Variants in FABP7 observed in about 807,000 individuals in gnomAD.
The protein encoded by FABP7 is fatty acid binding protein 7, also known as fatty acid-binding protein, brain.
Under a neutral mutation model 14.2 loss-of-function variants are expected in FABP7, and 13 were observed. That is an observed-to-expected ratio of 0.91 (90% CI 0.59 to 1.45). The LOEUF (loss-of-function observed/expected upper bound fraction) is 1.45. Among genes scored for constraint, FABP7 ranks in the 40% most tolerant of loss-of-function variants. The pLI, the probability that FABP7 is intolerant of heterozygous loss-of-function variation, is 0.00. For missense variants in FABP7, 149 were observed against 157.6 expected, an observed-to-expected ratio of 0.95 and a Z score of 0.29; for synonymous variants, 49 against 51.4, an observed-to-expected ratio of 0.95 and a Z score of 0.20.
the FABP7 span, among the ~76,000 whole-genome samples, chr6:122,764,218 A>T: frequency 6.6e-6 from 1 of 152,202 alleles, no homozygotes; most frequent in African/African-American, 2.4e-5. Context: ...ATAGAAAAGG[A>T]TGAGTTCATG....
upstream of FABP7, among the ~76,000 whole-genome samples, chr6:122,777,556 C>T (rs1780695883): frequency 6.6e-6 from 1 of 152,040 alleles, no homozygotes; most frequent in Non-Finnish European, 1.5e-5. Context: ...AATAAGACAC[C>T]AAACTATAAA....
upstream of FABP7, among the ~76,000 whole-genome samples, chr6:122,778,478 G>A (rs1459965226): frequency 6.6e-6 from 1 of 152,142 alleles, no homozygotes; most frequent in East Asian, 1.9e-4. Context: ...GTGTGGATTG[G>A]GTAGAAATGT....
At chr6:122,751,458 G>C in the FABP7 span, among the ~76,000 whole-genome samples, 2 of 152,140 alleles carry the variant, frequency 1.3e-5, no homozygotes, top group African/African-American at 4.8e-5. Context: ...ATGCATGCAG[G>C]CATCTATGCC....
the FABP7 span, among the ~76,000 whole-genome samples, chr6:122,755,426 T>A: frequency 3.5e-4 from 53 of 151,264 alleles, 1 homozygote; most frequent in East Asian, 9.5e-3. Context: ...AAGTGAGAAT[T>A]CAACATTTTC....
chr6:122,776,776 A>G (rs1035534922), upstream of FABP7, among the ~76,000 whole-genome samples: 3 of 152,220 alleles, frequency 2.0e-5, no homozygotes, highest in African/African-American at 7.2e-5. Context: ...TATCGTATGT[A>G]CCTGATAAAT....
At chr6:122,751,412 A>G in the FABP7 span, among the ~76,000 whole-genome samples, 3 of 152,172 alleles carry the variant, frequency 2.0e-5, no homozygotes, top group East Asian at 3.9e-4. Flanking sequence ...GAAGCCAGGT[A>G]CTGTGGGTGC....
At chr6:122,751,966 T>A in the FABP7 span, among the ~76,000 whole-genome samples, 1 of 152,100 alleles carries the variant, frequency 6.6e-6, no homozygotes, top group Non-Finnish European at 1.5e-5. Context: ...GGCTCTTATG[T>A]CAGCAGACAT....
chr6:122,781,347 A>C, intron 3 of FABP7, 153 bp downstream of exon 3: 1 of 1,478,202 alleles, frequency 6.8e-7, no homozygotes, highest in Non-Finnish European at 9.1e-7. Context: ...ACTATATGTA[A>C]AACAGGGGAA....
the FABP7 span, among the ~76,000 whole-genome samples, chr6:122,751,059 A>G: frequency 6.6e-6 from 1 of 152,232 alleles, no homozygotes; most frequent in Non-Finnish European, 1.5e-5. Context: ...CAATAAAATC[A>G]TATGTATTAT....
the FABP7 span, among the ~76,000 whole-genome samples, chr6:122,753,204 T>C: frequency 6.6e-6 from 1 of 152,172 alleles, no homozygotes; most frequent in Non-Finnish European, 1.5e-5. Flanking sequence ...ACTTGGGCTA[T>C]CTGTATTGCT....
intron 2 of FABP7, 75 bp from the exon 3 acceptor site, chr6:122,781,018 A>C: frequency 6.7e-7 from 1 of 1,496,842 alleles, no homozygotes; most frequent in Non-Finnish European, 8.9e-7. Context: ...ACTCTTTCAA[A>C]AATCACATCG....
At chr6:122,766,058 C>G in the FABP7 span, among the ~76,000 whole-genome samples, 1 of 151,892 alleles carries the variant, frequency 6.6e-6, no homozygotes. Flanking sequence ...TTTTCTTTCC[C>G]TCAACATGCT....
chr6:122,782,171 C>T (rs942916719), intron 3 of FABP7: 3 of 982,998 alleles, frequency 3.1e-6, no homozygotes, highest in South Asian at 9.4e-5. Context: ...TTCAATCAGC[C>T]TCTTCTTACT....
At chr6:122,750,721 G>C in the FABP7 span, among the ~76,000 whole-genome samples, 1 of 152,136 alleles carries the variant, frequency 6.6e-6, no homozygotes. Context: ...CAAGAAACTT[G>C]GTCTAAACCG....
the FABP7 span, among the ~76,000 whole-genome samples, chr6:122,767,049 A>T: frequency 6.6e-6 from 1 of 152,210 alleles, no homozygotes; most frequent in South Asian, 2.1e-4. Flanking sequence ...AATAAATCTT[A>T]AAAAATATGT....
At chr6:122,778,146 C>G (rs1233676781), upstream of FABP7, among the ~76,000 whole-genome samples, 2 of 152,084 alleles carry the variant, frequency 1.3e-5, no homozygotes, top group Non-Finnish European at 2.9e-5. Flanking sequence ...TTCCCTGGGC[C>G]TCAGTTGCTC....
At chr6:122,752,420 G>C in the FABP7 span, among the ~76,000 whole-genome samples, 2 of 152,156 alleles carry the variant, frequency 1.3e-5, no homozygotes, top group Non-Finnish European at 1.5e-5. Flanking sequence ...CCTAAATAGT[G>C]GGTTACATCT....
At position 122,783,895 on chromosome 6, in the gene FABP7, G is replaced by T; in HGVS notation, c.*128G>T. 1 of 723,000 alleles carries T rather than the reference G, an allele frequency of 1.4e-6. No individual in the cohort carries two copies. Among genetic ancestry groups the T allele is most frequent in the Non-Finnish European group, 2.2e-6 (1 of 452,894 alleles). 44.8% of individuals were successfully genotyped at this position (723,000 alleles called of 1,614,324 possible). A position where few individuals can be genotyped will look rare whatever the true frequency, so the allele number is the denominator to read the frequency against. On this transcript the variant is annotated 3_prime_UTR_variant, in exon 4 of 4. Coordinates refer to ENST00000368444, the MANE Select transcript of FABP7 (RefSeq NM_001446.5). ...ATCCTTGGTGTGGAGGTGGAAAATG[G>T]TGATTTAAAAACTTGTTACTCCAAG...
chr6:122,758,371 G>A, the FABP7 span, among the ~76,000 whole-genome samples: 1 of 152,064 alleles, frequency 6.6e-6, no homozygotes. Context: ...GCCTCCCAGT[G>A]TTATCTAGTT....
Sources: allele counts gnomAD v4.1 joint callset (sites outside exome capture counted in the v4.1 genomes callset), GRCh38; gene constraint gnomAD v4.1.1; transcripts MANE v1.5; gene names NCBI Gene and HGNC (gene_info 2026-07-23, HGNC 2026-07-21).